TXNRD1: variants seen among roughly 807,000 people sequenced by gnomAD.
TXNRD1 encodes thioredoxin reductase 1, cytoplasmic.
TXNRD1 carries 57 observed loss-of-function variants against 80.3 expected under a neutral mutation model. That is an observed-to-expected ratio of 0.71 (90% CI 0.57 to 0.89). The LOEUF (loss-of-function observed/expected upper bound fraction) is 0.89. Ranked by LOEUF, TXNRD1 falls within the 40% of genes least tolerant of loss-of-function variation. TXNRD1 has a pLI of 0.00. For missense variants in TXNRD1, 730 were observed against 803.0 expected (o/e 0.91, Z 1.10); for synonymous variants, 291 against 285.2 (o/e 1.02, Z -0.20).
intron 3 of TXNRD1, chr12:104,286,558 C>A: frequency 3.9e-6 from 1 of 253,314 alleles, no homozygotes; most frequent in Non-Finnish European, 6.2e-6. Flanking sequence ...GGGTCCCAAA[C>A]TTTGCTGCCA....
chr12:104,309,814 G>A lies in TXNRD1; in HGVS notation c.415-1476G>A, dbSNP rs967186857. On this transcript the variant is annotated intron_variant, in intron 4 of 16. Transcript: ENST00000525566. ...TAATGCCAGTTGATGACTACTGGCT[G>A]TGTTTACCAGCCTCTTGTGCTAGAC... 5 of 1,534,930 alleles carry A rather than the reference G, an allele frequency of 3.3e-6. No homozygotes were observed. The Admixed American group carries it at 7.8e-5, about 24-fold the overall frequency.
chr12:104,220,054 A>C (rs1003903645), intron 1 of TXNRD1, among the ~76,000 whole-genome samples: 1 of 152,176 alleles, frequency 6.6e-6, no homozygotes, highest in African/African-American at 2.4e-5. Context: ...AGAACACTGC[A>C]GTGAGGTGTT....
intron 1 of TXNRD1, among the ~76,000 whole-genome samples, chr12:104,230,751 A>C (rs1196866614): frequency 6.6e-6 from 1 of 152,182 alleles, no homozygotes; most frequent in Non-Finnish European, 1.5e-5. Context: ...GTCAAGAGGA[A>C]ACCCTGTGTG....
At chr12:104,250,862 A>G (rs2033102826) in intron 1 of TXNRD1, among the ~76,000 whole-genome samples, 1 of 152,092 alleles carries the variant, frequency 6.6e-6, no homozygotes, top group East Asian at 1.9e-4. Flanking sequence ...GGAGGTAGCA[A>G]TCTCTTGGTG....
chr12:104,343,831 C>T (rs1373284819), intron 16 of TXNRD1, among the ~76,000 whole-genome samples: 2 of 145,738 alleles, frequency 1.4e-5, no homozygotes, highest in Non-Finnish European at 3.0e-5. Context: ...TGGCCTGGCT[C>T]AGTGGCTCAC....
intron 3 of TXNRD1, among the ~76,000 whole-genome samples, chr12:104,279,633 G>C (rs188441247): frequency 2.6e-5 from 4 of 152,072 alleles, no homozygotes; most frequent in Non-Finnish European, 5.9e-5. Flanking sequence ...GCATAATAAG[G>C]GTATATTCAA....
intron 1 of TXNRD1, among the ~76,000 whole-genome samples, chr12:104,226,466 T>C (rs1382823630): frequency 6.6e-6 from 1 of 152,228 alleles, no homozygotes; most frequent in Non-Finnish European, 1.5e-5. Flanking sequence ...GTGTAGCCTC[T>C]AAGGTTGATC....
intron 13 of TXNRD1, among the ~76,000 whole-genome samples, 153 bp downstream of exon 13, chr12:104,327,824 C>G (rs1002168330): frequency 1.3e-5 from 2 of 149,972 alleles, no homozygotes; most frequent in African/African-American, 4.9e-5. Context: ...GTATTCCAGA[C>G]AAGATATTAT....
At chr12:104,241,284 C>T (rs137901760) in intron 1 of TXNRD1, among the ~76,000 whole-genome samples, 5,367 of 152,266 alleles carry the variant, frequency 0.035, 176 homozygotes, top group East Asian at 0.18. Flanking sequence ...GGTGATCCGC[C>T]CGCCTCAGCA....
intron 3 of TXNRD1, chr12:104,287,299 G>A: frequency 6.2e-7 from 1 of 1,614,006 alleles, no homozygotes; most frequent in South Asian, 1.1e-5. Context: ...CAGCTTCGTG[G>A]CGTGTGCGGT....
In TXNRD1 at chr12:104,233,696, A is replaced by G. The variant is rs1053151813; in HGVS notation, c.91+17803A>G. On this transcript the variant is annotated intron_variant, in intron 1 of 16. Coordinates refer to ENST00000525566, the MANE Select transcript of TXNRD1 (RefSeq NM_001093771.3). The stretch of plus-strand genomic sequence containing the variant: ...GCCACTACGCCTGGCTAATTTTCGT[A>G]TTTTTAGTAGAGATGGGGTTTCACC... Among the ~76,000 whole-genome samples the G allele has an allele frequency of 4.6e-5, 7 of 152,114 alleles. No individual in the cohort carries two copies. In the East Asian group the frequency reaches 1.2e-3, roughly 25 times the overall value.
At chr12:104,269,279 T>C (rs1333007070) in intron 3 of TXNRD1, among the ~76,000 whole-genome samples, 1 of 152,178 alleles carries the variant, frequency 6.6e-6, no homozygotes, top group Non-Finnish European at 1.5e-5. Context: ...CATTATTTGC[T>C]CATCCATAAA....
intron 3 of TXNRD1, among the ~76,000 whole-genome samples, chr12:104,271,472 T>C (rs897068775): frequency 6.6e-6 from 1 of 152,096 alleles, no homozygotes; most frequent in Non-Finnish European, 1.5e-5. Context: ...CCACCACACC[T>C]GGCCATATCA....
At chr12:104,291,773 G>T (rs957173040) in intron 4 of TXNRD1, among the ~76,000 whole-genome samples, 5 of 152,100 alleles carry the variant, frequency 3.3e-5, no homozygotes, top group African/African-American at 1.2e-4. Context: ...TGAGCCACCG[G>T]GCCCAGCCCT....
At chr12:104,218,614 T>A (rs2032276309) in intron 1 of TXNRD1, among the ~76,000 whole-genome samples, 1 of 119,946 alleles carries the variant, frequency 8.3e-6, no homozygotes, top group Non-Finnish European at 1.8e-5. Context: ...TTTTTCTTTT[T>A]CTTTTCTTTC....
intron 3 of TXNRD1, chr12:104,287,463 T>C (rs2034013258): frequency 6.2e-7 from 1 of 1,611,012 alleles, no homozygotes; most frequent in Non-Finnish European, 8.5e-7. Flanking sequence ...AGTCCGAGTC[T>C]TGAAATGTAG....
At chr12:104,288,014 G>A (rs1279102124) in intron 3 of TXNRD1, among the ~76,000 whole-genome samples, 2 of 151,822 alleles carry the variant, frequency 1.3e-5, no homozygotes, top group South Asian at 2.1e-4. Flanking sequence ...TTTTTGAGAC[G>A]GAGTCTCATT....
rs2032195936 is a variant in TXNRD1, at chr12:104,215,908, G to A, written c.91+15G>A. On this transcript the variant is annotated intron_variant, in intron 1 of 16. Transcript: ENST00000525566. ...CCGTAGGTCAGGTACGACCGAGGGCGAAGGCCTGGTCCCCAGGTCGACGGG... is the reference window on the plus strand; with the variant it reads ...CCGTAGGTCAGGTACGACCGAGGGCAAAGGCCTGGTCCCCAGGTCGACGGG... 2 of 1,546,554 alleles carry A rather than the reference G, an allele frequency of 1.3e-6. No homozygotes were observed. The highest frequency in any genetic ancestry group is 8.7e-7 in the Non-Finnish European group (1 of 1,143,412).
intron 4 of TXNRD1, among the ~76,000 whole-genome samples, chr12:104,299,766 TC>T (rs1481828562): frequency 1.5e-5 from 1 of 66,482 alleles, no homozygotes; most frequent in Non-Finnish European, 3.4e-5. Context: ...AGACTCCGTC[TC>T]AAAAAAAAAA....
Sources: allele counts gnomAD v4.1 joint callset (sites outside exome capture counted in the v4.1 genomes callset), GRCh38; gene constraint gnomAD v4.1.1; transcripts MANE v1.5; gene names NCBI Gene and HGNC (gene_info 2026-07-23, HGNC 2026-07-21).